The following ZNF521 variants were observed in gnomAD, a reference collection of about 807,000 sequenced individuals.
ZNF521 encodes LYST-interacting protein 3.
ZNF521 carries 14 observed loss-of-function variants against 105.5 expected under a neutral mutation model. That is an observed-to-expected ratio of 0.13 (90% confidence interval 0.09 to 0.21). The LOEUF is 0.21. Among genes scored for constraint, ZNF521 ranks in the 10% least tolerant of loss-of-function variants. The pLI is 1.00. For missense variants in ZNF521, 1,233 were observed against 1,629.7 expected (o/e 0.76, Z 4.19); for synonymous variants, 635 against 606.0 (o/e 1.05, Z -0.70).
In ZNF521 at chr18:25,224,748, C is replaced by A; in HGVS notation, c.3170G>T (p.Arg1057Leu). Residue 1057 changes from arginine to leucine, a missense_variant, in exon 4 of 8, where the codon CGG becomes CTG. Coordinates refer to ENST00000361524, the MANE Select transcript of ZNF521 (RefSeq NM_015461.3). ...GNGSAVQTTGRGQHVQKLYKC... is the reference protein window; with the variant it reads ...GNGSAVQTTGLGQHVQKLYKC... Reference sequence around the variant, plus strand: ...ATACAGTTTTTGGACGTGCTGGCCCCGCCCTGTGGTCTGAACTGCAGACCC... The same window carrying A: ...ATACAGTTTTTGGACGTGCTGGCCCAGCCCTGTGGTCTGAACTGCAGACCC... 6.2e-7 allele frequency: 1 copy of A among 1,613,970 alleles called. No individual in the cohort carries two copies. The highest frequency in any genetic ancestry group is 1.6e-4 in the Middle Eastern group (1 of 6,062).
chr18:25,112,262 G>C (rs2034206302), intron 5 of ZNF521, among the ~76,000 whole-genome samples: 1 of 152,192 alleles, frequency 6.6e-6, no homozygotes, highest in South Asian at 2.1e-4. Flanking sequence ...GTATGAGGCA[G>C]TCGCTAGGGG....
chr18:25,127,596 G>C (rs1051261668), intron 5 of ZNF521, among the ~76,000 whole-genome samples: 1 of 151,984 alleles, frequency 6.6e-6, no homozygotes, highest in South Asian at 2.1e-4. Flanking sequence ...GAATGATTTG[G>C]AAAGGAGCCA....
At chr18:25,309,913 T>C (rs889233739) in intron 3 of ZNF521, among the ~76,000 whole-genome samples, 2 of 152,220 alleles carry the variant, frequency 1.3e-5, no homozygotes, top group African/African-American at 2.4e-5. Context: ...GAATGTATAA[T>C]AGTGCTTTTT....
At chr18:25,245,759 T>C (rs938426960) in intron 3 of ZNF521, among the ~76,000 whole-genome samples, 3 of 152,198 alleles carry the variant, frequency 2.0e-5, no homozygotes, top group African/African-American at 7.2e-5. Flanking sequence ...ACACCTGTAA[T>C]CTCAGCACTT....
At chr18:25,232,551 A>G (rs1199090845) in intron 3 of ZNF521, among the ~76,000 whole-genome samples, 3 of 152,242 alleles carry the variant, frequency 2.0e-5, no homozygotes, top group Non-Finnish European at 4.4e-5. Context: ...ATACGCAGCT[A>G]GCAAGAAAAT....
At chr18:25,075,942 C>A (rs1332513273) in intron 7 of ZNF521, among the ~76,000 whole-genome samples, 1 of 152,202 alleles carries the variant, frequency 6.6e-6, no homozygotes, top group African/African-American at 2.4e-5. Context: ...TCATGCTGAA[C>A]TGTCAGCATA....
intron 3 of ZNF521, among the ~76,000 whole-genome samples, chr18:25,262,184 T>C (rs996632569): frequency 3.3e-5 from 5 of 152,046 alleles, no homozygotes; most frequent in African/African-American, 1.2e-4. Flanking sequence ...TCCATGGCCC[T>C]CCCACAAGAC....
chr18:25,255,722 G>C (rs1008139535), intron 3 of ZNF521, among the ~76,000 whole-genome samples: 1 of 151,826 alleles, frequency 6.6e-6, no homozygotes, highest in East Asian at 1.9e-4. Context: ...CTCAAGTCTC[G>C]TAACATAGTA....
chr18:25,266,715 G>C (rs543950425), intron 3 of ZNF521, among the ~76,000 whole-genome samples: 1 of 152,092 alleles, frequency 6.6e-6, no homozygotes, highest in Non-Finnish European at 1.5e-5. Flanking sequence ...GGTGCACTCC[G>C]GCCCAGATAC....
intron 3 of ZNF521, among the ~76,000 whole-genome samples, chr18:25,239,964 C>CT (rs955006196): frequency 4.6e-5 from 7 of 151,796 alleles, no homozygotes; most frequent in African/African-American, 7.3e-5. Flanking sequence ...CTCAAGCTCT[C>CT]TTTTTTTTCA....
intron 5 of ZNF521, among the ~76,000 whole-genome samples, chr18:25,187,203 T>A (rs2035741146): frequency 6.6e-6 from 1 of 152,138 alleles, no homozygotes; most frequent in Admixed American, 6.5e-5. Flanking sequence ...TAAAGAATAT[T>A]ATTTTCTTAA....
At chr18:25,276,409 G>A (rs2144967403) in intron 3 of ZNF521, among the ~76,000 whole-genome samples, 1 of 152,278 alleles carries the variant, frequency 6.6e-6, no homozygotes, top group Admixed American at 6.5e-5. Flanking sequence ...CTCTTGGGAA[G>A]AATTTTAAAT....
chr18:25,318,020 T>A lies in ZNF521; in HGVS notation c.220+3988A>T, dbSNP rs544516622. Reference sequence around the variant, plus strand: ...TCCACAAAAAGATCCATATAGAAGGTTGACTATTATGAACTTTATTCATAA... The same window carrying A: ...TCCACAAAAAGATCCATATAGAAGGATGACTATTATGAACTTTATTCATAA... On this transcript the variant is annotated intron_variant, in intron 3 of 7. Coordinates refer to ENST00000361524, the MANE Select transcript of ZNF521 (RefSeq NM_015461.3). 2.6e-5 allele frequency among the ~76,000 whole-genome samples: 4 copies of A among 151,906 alleles called. No individual in the cohort carries two copies. The East Asian group carries it at 5.8e-4, about 22-fold the overall frequency.
chr18:25,329,675 C>T (rs7236321), intron 2 of ZNF521, among the ~76,000 whole-genome samples: 5 of 152,230 alleles, frequency 3.3e-5, no homozygotes, highest in South Asian at 2.1e-4. Context: ...GGCTAGAGCA[C>T]GAAGGAACTC....
At chr18:25,339,015 A>T (rs1196764368) in intron 2 of ZNF521, among the ~76,000 whole-genome samples, 6 of 152,238 alleles carry the variant, frequency 3.9e-5, no homozygotes. Context: ...AACTCAATGA[A>T]TGTAGCTGTA....
At chr18:25,212,117 T>C (rs1033569701) in intron 4 of ZNF521, among the ~76,000 whole-genome samples, 1 of 152,202 alleles carries the variant, frequency 6.6e-6, no homozygotes, top group Admixed American at 6.5e-5. Context: ...TTTCTCTGCC[T>C]ATTCTTTTTC....
At chr18:25,146,104 A>G (rs531976544) in intron 5 of ZNF521, among the ~76,000 whole-genome samples, 52 of 152,288 alleles carry the variant, frequency 3.4e-4, no homozygotes, top group Middle Eastern at 3.4e-3. Flanking sequence ...ATGGATTAGG[A>G]GACTGAGTCT....
Position 25,340,673 on chromosome 18 carries a change from A to G in ZNF521, c.40+10234T>C, listed in dbSNP as rs114082968. Among the ~76,000 whole-genome samples the G allele has an allele frequency of 7.8e-3, 1,194 of 152,322 alleles. 16 individuals are homozygous for G. The highest frequency in any genetic ancestry group is 0.027 in the African/African-American group (1,122 of 41,564). ...CTACAAGGGAACTCAGAAGTCACTG[A>G]GACCTTTTTTTTGACTGTTAAGAAA... On this transcript the variant is annotated intron_variant, in intron 2 of 7. Coordinates refer to ENST00000361524, the MANE Select transcript of ZNF521 (RefSeq NM_015461.3).
chr18:25,343,853 G>A (rs747683279), intron 2 of ZNF521, among the ~76,000 whole-genome samples: 28 of 152,138 alleles, frequency 1.8e-4, no homozygotes, highest in Non-Finnish European at 2.9e-4. Context: ...TAAGAAAGGG[G>A]AGTTTTTACA....
Sources: allele counts gnomAD v4.1 joint callset (sites outside exome capture counted in the v4.1 genomes callset), GRCh38; gene constraint gnomAD v4.1.1; transcripts MANE v1.5; gene names NCBI Gene and HGNC (gene_info 2026-07-23, HGNC 2026-07-21).